PCDH19: variants seen among roughly 807,000 people sequenced by gnomAD.
PCDH19 encodes the protein protocadherin 19, also known as protocadherin-19.
Under a neutral mutation model 46.2 loss-of-function variants are expected in PCDH19, and 6 were observed. The ratio of observed to expected loss-of-function variants is 0.13; its 90% CI spans 0.07 to 0.26. PCDH19 has a LOEUF of 0.26. Ranked by LOEUF, PCDH19 falls within the 10% of genes least tolerant of loss-of-function variation. PCDH19 has a pLI of 1.00. For missense variants in PCDH19, 740 were observed against 972.3 expected, an observed-to-expected ratio of 0.76 and a Z score of 3.18; for synonymous variants, 481 against 415.7, an observed-to-expected ratio of 1.16 and a Z score of -1.91.
At position 100,409,742 on chromosome X, in the gene PCDH19, G is replaced by A; in HGVS notation, c.-1145C>T. 3.7e-6 allele frequency: 1 copy of A among 269,780 alleles called. No homozygotes were observed. The allele number at this position is 269,780 out of a possible 1,213,427, so 22.2% of individuals were successfully genotyped here. Reference sequence around the variant, plus strand: ...CGCCGCCGCCGCCGCCGCCGCCGCGGGAGGAAGCCCTCCTAGCTCAGTTGC... The same window carrying A: ...CGCCGCCGCCGCCGCCGCCGCCGCGAGAGGAAGCCCTCCTAGCTCAGTTGC... On this transcript the variant is annotated 5_prime_UTR_variant, in exon 1 of 6. Transcript: ENST00000373034.
At chrX:100,340,602 C>G (rs747063848) in intron 5 of PCDH19, among the ~76,000 whole-genome samples, 3 of 111,306 alleles carry the variant, frequency 2.7e-5, no homozygotes, top group Non-Finnish European at 5.7e-5. Context: ...AGTGTATTAT[C>G]TCTGCAGATG....
chrX:100,390,181 A>G (rs903234796), intron 3 of PCDH19, among the ~76,000 whole-genome samples: 2 of 111,568 alleles, frequency 1.8e-5, no homozygotes, highest in Non-Finnish European at 3.8e-5. Flanking sequence ...TCTGGGCTGA[A>G]TACAGGCCTG....
chrX:100,311,592 G>A (rs1925133629), intron 5 of PCDH19, among the ~76,000 whole-genome samples: 1 of 111,011 alleles, frequency 9.0e-6, no homozygotes, highest in Admixed American at 9.6e-5. Context: ...GGACTGGGTG[G>A]GGAAGCTAAG....
intron 3 of PCDH19, among the ~76,000 whole-genome samples, chrX:100,384,437 C>T (rs1372572686): frequency 9.0e-6 from 1 of 110,901 alleles, no homozygotes; most frequent in Non-Finnish European, 1.9e-5. Flanking sequence ...TCTTATTGGC[C>T]ATTCTCCCAA....
At chrX:100,395,735 G>C (rs1928009563) in intron 3 of PCDH19, among the ~76,000 whole-genome samples, 1 of 113,325 alleles carries the variant, frequency 8.8e-6, no homozygotes, top group South Asian at 3.6e-4. Flanking sequence ...ACAGCTGCAG[G>C]AATGTTCCTC....
intron 5 of PCDH19, among the ~76,000 whole-genome samples, chrX:100,323,433 G>A (rs770657772): frequency 8.9e-6 from 1 of 111,835 alleles, no homozygotes; most frequent in South Asian, 3.7e-4. Flanking sequence ...GCAGAACAAT[G>A]CCCTGAAGTC....
chrX:100,354,129 G>T (rs761715744), intron 3 of PCDH19, among the ~76,000 whole-genome samples: 1 of 111,440 alleles, frequency 9.0e-6, no homozygotes, highest in African/African-American at 3.3e-5. Flanking sequence ...TTATATTATG[G>T]GTCTATGTAT....
intron 3 of PCDH19, among the ~76,000 whole-genome samples, chrX:100,353,961 C>T (rs1433644776): frequency 8.9e-6 from 1 of 111,820 alleles, no homozygotes; most frequent in Non-Finnish European, 1.9e-5. Flanking sequence ...TTGTCCTGTG[C>T]CTTTGTAATC....
At chrX:100,378,441 A>C (rs749688615) in intron 3 of PCDH19, among the ~76,000 whole-genome samples, 20 of 112,539 alleles carry the variant, frequency 1.8e-4, no homozygotes, top group African/African-American at 5.8e-4. Flanking sequence ...CACTAACAGT[A>C]AGGAAATTTA....
chrX:100,383,475 T>G (rs1927619093), intron 3 of PCDH19, among the ~76,000 whole-genome samples: 2 of 111,901 alleles, frequency 1.8e-5, no homozygotes, highest in Non-Finnish European at 1.9e-5. Context: ...GATTAGAAAA[T>G]GTAATGGAAT....
chrX:100,306,529 T>C (rs767809857), intron 5 of PCDH19, among the ~76,000 whole-genome samples: 1 of 110,283 alleles, frequency 9.1e-6, no homozygotes, highest in East Asian at 2.9e-4. Context: ...ACAATCCAAA[T>C]GCAAACCCAG....
At chrX:100,331,032 CT>C (rs1925856451) in intron 5 of PCDH19, among the ~76,000 whole-genome samples, 1 of 112,064 alleles carries the variant, frequency 8.9e-6, no homozygotes. Context: ...CTGATCAATT[CT>C]TTTGGCCCCT....
Position 100,322,865 on chromosome X carries a change from A to ATATATATTTTTTTTTTT in PCDH19, c.2848+19037_2848+19038insAAAAAAAAAAATATATA. ...TATATATATATATATATATATATATATTTTTGCAGCTATTGTAAAAGGGGT... is the reference window on the plus strand; with the variant it reads ...TATATATATATATATATATATATATATATATATTTTTTTTTTTTTTTTGCAGCTATTGTAAAAGGGGT... On this transcript the variant is annotated intron_variant, in intron 5 of 5. Coordinates refer to ENST00000373034, the MANE Select transcript of PCDH19 (RefSeq NM_001184880.2). 2.3e-3 allele frequency among the ~76,000 whole-genome samples: 123 copies of ATATATATTTTTTTTTTT among 54,360 alleles called. 1 individual carries two copies. Among genetic ancestry groups the ATATATATTTTTTTTTTT allele is most frequent in the Non-Finnish European group, 3.2e-3 (98 of 30,155 alleles). 47.2% of individuals were successfully genotyped at this position (54,360 alleles called of 115,157 possible). A position where few individuals can be genotyped will look rare whatever the true frequency, so the allele number is the denominator to read the frequency against.
chrX:100,322,832 A>AGT (rs1307266427), intron 5 of PCDH19, among the ~76,000 whole-genome samples: 4,910 of 28,541 alleles, frequency 0.17, 291 homozygotes, highest in Middle Eastern at 0.23. Context: ...TATATTCCTA[A>AGT]GTATATATAT....
intron 3 of PCDH19, among the ~76,000 whole-genome samples, chrX:100,376,664 T>G (rs1052974409): frequency 2.0e-5 from 2 of 101,188 alleles, no homozygotes; most frequent in Non-Finnish European, 4.2e-5. Flanking sequence ...ATCCCTTTGT[T>G]GCCAGTAACT....
In PCDH19 at chrX:100,408,769, C is replaced by T. The variant is rs1928495480; in HGVS notation, c.-172G>A. 4.4e-6 allele frequency: 1 copy of T among 224,994 alleles called. No homozygotes were observed. The highest frequency in any genetic ancestry group is 8.9e-5 in the East Asian group (1 of 11,258). The allele number at this position is 224,994 out of a possible 1,213,427, so 18.5% of individuals were successfully genotyped here. A position where few individuals can be genotyped will look rare whatever the true frequency, so the allele number is the denominator to read the frequency against. On this transcript the variant is annotated 5_prime_UTR_variant, in exon 1 of 6. Coordinates refer to ENST00000373034, the MANE Select transcript of PCDH19 (RefSeq NM_001184880.2). Reference sequence around the variant, plus strand: ...CCCGGCGGCGCGCGGGGGACACCCGCGGCGGCTCCAATGCTGAGGTTGCGG... The same window carrying T: ...CCCGGCGGCGCGCGGGGGACACCCGTGGCGGCTCCAATGCTGAGGTTGCGG...
At chrX:100,348,538 A>C (rs765708085) in intron 4 of PCDH19, among the ~76,000 whole-genome samples, 2 of 111,888 alleles carry the variant, frequency 1.8e-5, no homozygotes, top group South Asian at 3.8e-4. Flanking sequence ...CTGAGTTTTC[A>C]GATGTTTCCT....
intron 3 of PCDH19, among the ~76,000 whole-genome samples, chrX:100,388,196 G>C (rs1237115483): frequency 9.1e-6 from 1 of 110,126 alleles, no homozygotes. Context: ...ATGTGTATGT[G>C]TGTGTATGAA....
At chrX:100,351,131 G>A (rs1926558992) in intron 3 of PCDH19, among the ~76,000 whole-genome samples, 1 of 113,097 alleles carries the variant, frequency 8.8e-6, no homozygotes, top group East Asian at 2.8e-4. Context: ...ATATGGAAAT[G>A]CAGGCAAGGT....
Sources: allele counts gnomAD v4.1 joint callset (sites outside exome capture counted in the v4.1 genomes callset), GRCh38; gene constraint gnomAD v4.1.1; transcripts MANE v1.5; gene names NCBI Gene and HGNC (gene_info 2026-07-23, HGNC 2026-07-21).